Variants in R3HCC1L observed in about 807,000 individuals in gnomAD.
R3HCC1L encodes the protein coiled-coil domain-containing protein R3HCC1L.
R3HCC1L carries 51 observed loss-of-function variants against 59.9 expected under a neutral mutation model. The ratio of observed to expected loss-of-function variants is 0.85; its 90% CI spans 0.68 to 1.07. The LOEUF (loss-of-function observed/expected upper bound fraction) is 1.07. R3HCC1L is among the 50% of genes least tolerant of loss of function. The pLI is 0.00. For missense variants in R3HCC1L, 965 were observed against 933.0 expected, an observed-to-expected ratio of 1.03 and a Z score of -0.45; for synonymous variants, 322 against 315.2, an observed-to-expected ratio of 1.02 and a Z score of -0.23.
At chr10:98,152,972 C>T (rs1209013200) in intron 1 of R3HCC1L, among the ~76,000 whole-genome samples, 6 of 149,490 alleles carry the variant, frequency 4.0e-5, no homozygotes, top group East Asian at 4.1e-4. Context: ...CCCAGCCAGC[C>T]GCCCTGTCCG....
At chr10:98,221,753 C>T (rs1392413497) in intron 5 of R3HCC1L, among the ~76,000 whole-genome samples, 4 of 152,130 alleles carry the variant, frequency 2.6e-5, no homozygotes, top group Admixed American at 6.5e-5. Flanking sequence ...TGTTTTGGTA[C>T]CAGTACCATG....
chr10:98,236,245 C>G, intron 9 of R3HCC1L, 81 bp downstream of exon 9: 1 of 1,524,208 alleles, frequency 6.6e-7, no homozygotes, highest in Non-Finnish European at 8.8e-7. Context: ...ATGAATGAAG[C>G]CCATTCCATT....
Position 98,183,958 on chromosome 10 carries a change from G to GTT in R3HCC1L, c.-15+20575_-15+20576dup, listed in dbSNP as rs71007380. The stretch of plus-strand genomic sequence containing the variant: ...TTTTTTTTTCTTTGCTCCTTTTTCG[G>GTT]TTTTTTTTTTTTTTTGGTTGAAATC... On this transcript the variant is annotated intron_variant, in intron 4 of 9. Transcript: ENST00000298999. 3.0e-4 allele frequency among the ~76,000 whole-genome samples: 38 copies of GTT among 126,556 alleles called. 1 individual carries two copies. Among genetic ancestry groups the GTT allele is most frequent in the African/African-American group, 1.0e-3 (34 of 33,362 alleles). The allele number at this position is 126,556 out of a possible 152,430, so 83.0% of individuals were successfully genotyped here.
intron 4 of R3HCC1L, among the ~76,000 whole-genome samples, chr10:98,203,944 T>C (rs1852328405): frequency 6.6e-6 from 1 of 152,210 alleles, no homozygotes; most frequent in Non-Finnish European, 1.5e-5. Flanking sequence ...TCTGAATTTT[T>C]ATCCCCTTTA....
chr10:98,233,462 A>G (rs1056384578), intron 6 of R3HCC1L, among the ~76,000 whole-genome samples: 6 of 152,338 alleles, frequency 3.9e-5, no homozygotes, highest in African/African-American at 1.4e-4. Context: ...TTAGATGCCC[A>G]TGAAGTGCTC....
intron 4 of R3HCC1L, among the ~76,000 whole-genome samples, chr10:98,200,875 A>AG (rs1448174138): frequency 6.6e-6 from 1 of 152,172 alleles, no homozygotes; most frequent in Non-Finnish European, 1.5e-5. Context: ...TATGAGTCCC[A>AG]GACAGTGCTG....
chr10:98,194,897 A>G (rs898669517), intron 4 of R3HCC1L, among the ~76,000 whole-genome samples: 1 of 152,186 alleles, frequency 6.6e-6, no homozygotes, highest in African/African-American at 2.4e-5. Flanking sequence ...GCTCCTATGG[A>G]AAACATATGG....
At chr10:98,146,062 T>C (rs2133933837) in intron 1 of R3HCC1L, among the ~76,000 whole-genome samples, 1 of 152,358 alleles carries the variant, frequency 6.6e-6, no homozygotes, top group Non-Finnish European at 1.5e-5. Context: ...TAAGTAATAA[T>C]TGGCAGTTTC....
intron 4 of R3HCC1L, 37 bp downstream of exon 4, chr10:98,163,434 A>C: frequency 8.4e-7 from 1 of 1,183,472 alleles, no homozygotes; most frequent in Non-Finnish European, 1.1e-6. Context: ...TTATAGAAAT[A>C]CTGTCTGTTT....
chr10:98,222,432 G>A (rs908629908), intron 5 of R3HCC1L, among the ~76,000 whole-genome samples: 54 of 152,102 alleles, frequency 3.6e-4, no homozygotes, highest in African/African-American at 1.3e-3. Context: ...TAGGAGTGGT[G>A]AGAGACGGCA....
chr10:98,165,105 T>C (rs1052594316), intron 4 of R3HCC1L, among the ~76,000 whole-genome samples: 1 of 152,024 alleles, frequency 6.6e-6, no homozygotes, highest in Non-Finnish European at 1.5e-5. Flanking sequence ...ACTATAAATA[T>C]AAAATATTAG....
At chr10:98,145,694 G>A (rs1238033738) in intron 1 of R3HCC1L, among the ~76,000 whole-genome samples, 2 of 152,212 alleles carry the variant, frequency 1.3e-5, no homozygotes, top group Non-Finnish European at 2.9e-5. Context: ...GCCCACGCCT[G>A]TAATCCCAGC....
At chr10:98,222,210 G>A (rs931430229) in intron 5 of R3HCC1L, among the ~76,000 whole-genome samples, 3 of 152,136 alleles carry the variant, frequency 2.0e-5, no homozygotes, top group African/African-American at 7.2e-5. Flanking sequence ...GAATGCTTGT[G>A]ATTTTTGTAC....
chr10:98,210,612 T>G (rs1428185485), intron 5 of R3HCC1L, among the ~76,000 whole-genome samples: 1 of 152,164 alleles, frequency 6.6e-6, no homozygotes, highest in African/African-American at 2.4e-5. Flanking sequence ...CCCTCTTTCC[T>G]TCCCTATAGT....
At chr10:98,202,183 C>T (rs556219801) in intron 4 of R3HCC1L, among the ~76,000 whole-genome samples, 1 of 152,248 alleles carries the variant, frequency 6.6e-6, no homozygotes, top group East Asian at 1.9e-4. Context: ...AGGGACCCCT[C>T]AAGTTGGAAA....
At chr10:98,167,494 T>C (rs1848075989) in intron 4 of R3HCC1L, among the ~76,000 whole-genome samples, 1 of 152,250 alleles carries the variant, frequency 6.6e-6, no homozygotes, top group Non-Finnish European at 1.5e-5. Flanking sequence ...TTTTTGTTGT[T>C]ACTGTGATTT....
At chr10:98,188,447 T>C (rs1850470199) in intron 4 of R3HCC1L, among the ~76,000 whole-genome samples, 4 of 152,202 alleles carry the variant, frequency 2.6e-5, no homozygotes, top group Admixed American at 2.0e-4. Flanking sequence ...TAAGTCATCC[T>C]TGACAAGTAA....
At chr10:98,194,706 A>G (rs1446870401) in intron 4 of R3HCC1L, among the ~76,000 whole-genome samples, 2 of 152,130 alleles carry the variant, frequency 1.3e-5, no homozygotes, top group Admixed American at 6.5e-5. Flanking sequence ...GCCAGCAGGC[A>G]TGTGAAAAGA....
At chr10:98,206,191 A>G (rs911539536) in intron 4 of R3HCC1L, among the ~76,000 whole-genome samples, 2 of 152,098 alleles carry the variant, frequency 1.3e-5, no homozygotes, top group Admixed American at 6.5e-5. Context: ...TCTGTAATCT[A>G]AGAGTGTGTT....
Sources: allele counts gnomAD v4.1 joint callset (sites outside exome capture counted in the v4.1 genomes callset), GRCh38; gene constraint gnomAD v4.1.1; transcripts MANE v1.5; gene names NCBI Gene and HGNC (gene_info 2026-07-23, HGNC 2026-07-21).